Variants in SOCS5 observed in about 807,000 individuals in gnomAD.
The protein encoded by SOCS5 is CIS-6.
Under a neutral mutation model 42.8 loss-of-function variants are expected in SOCS5, and 32 were observed. The observed-to-expected ratio is 0.75, with a 90% CI of 0.56 to 1.01. The LOEUF is 1.01. Among genes scored for constraint, SOCS5 ranks in the 50% least tolerant of loss-of-function variants. SOCS5 has a pLI of 0.00. For missense variants in SOCS5, 627 were observed against 653.0 expected (o/e 0.96, Z 0.43); for synonymous variants, 283 against 229.6 (o/e 1.23, Z -2.10).
intron 1 of SOCS5, among the ~76,000 whole-genome samples, chr2:46,750,871 A>T (rs550578657): frequency 9.8e-5 from 15 of 152,300 alleles, no homozygotes; most frequent in Non-Finnish European, 2.1e-4. Context: ...TGTTGGAGTG[A>T]TGCTGAGTTT....
Position 46,759,640 on chromosome 2 carries a change from G to T in SOCS5, c.1110G>T (p.Val370=). The change falls in exon 2 of 2, where the codon GTG becomes GTT. Residue 370 remains valine (V), a synonymous_variant. Coordinates refer to ENST00000394861, the MANE Select transcript of SOCS5 (RefSeq NM_144949.3). The part of the protein sequence containing the change: ...HTQIDYIHCL[V]PDLLQITGNP... ...AGATTGATTACATACACTGCCTCGTGCCTGATTTGCTTCAAATTACAGGGA... is the reference window on the plus strand; with the variant it reads ...AGATTGATTACATACACTGCCTCGTTCCTGATTTGCTTCAAATTACAGGGA... The T allele has an allele frequency of 6.2e-7, 1 of 1,614,060 alleles. No homozygotes were observed. Among genetic ancestry groups the T allele is most frequent in the Non-Finnish European group, 8.5e-7 (1 of 1,179,942 alleles).
chr2:46,751,245 G>GATT (rs1673616086), intron 1 of SOCS5, among the ~76,000 whole-genome samples: 1 of 151,996 alleles, frequency 6.6e-6, no homozygotes, highest in South Asian at 2.1e-4. Flanking sequence ...TTACTGTCAA[G>GATT]ATTATTACTC....
chr2:46,762,488 TG>T lies in SOCS5; in HGVS notation c.*2348del, dbSNP rs1673891857. 1 of 166,256 alleles carries T rather than the reference TG, an allele frequency of 6.0e-6. No individual in the cohort carries two copies. The highest frequency in any genetic ancestry group is 2.4e-5 in the African/African-American group (1 of 41,476). 10.3% of individuals were successfully genotyped at this position (166,256 alleles called of 1,614,324 possible). A position where few individuals can be genotyped will look rare whatever the true frequency, so the allele number is the denominator to read the frequency against. On this transcript the variant is annotated 3_prime_UTR_variant, in exon 2 of 2. Transcript: ENST00000394861. ...TTTTATGTATTTCAAAACTTTCATA[TG>T]TTAAATGGAAATTGTTTTAAATGTG...
At chr2:46,702,493 C>T (rs1420127134) in intron 1 of SOCS5, among the ~76,000 whole-genome samples, 1 of 152,144 alleles carries the variant, frequency 6.6e-6, no homozygotes, top group Admixed American at 6.5e-5. Flanking sequence ...AATTGATTTG[C>T]AGATATTCCA....
chr2:46,746,854 A>T (rs1221043941), intron 1 of SOCS5, among the ~76,000 whole-genome samples: 1 of 148,324 alleles, frequency 6.7e-6, no homozygotes, highest in Non-Finnish European at 1.5e-5. Flanking sequence ...AGGGTTTGCT[A>T]TGTAGACAAT....
At chr2:46,723,331 A>G (rs1241373736) in intron 1 of SOCS5, among the ~76,000 whole-genome samples, 2 of 151,510 alleles carry the variant, frequency 1.3e-5, no homozygotes, top group Non-Finnish European at 3.0e-5. Context: ...TTATTGTGTA[A>G]GGTCTTCTGA....
At chr2:46,713,327 G>T (rs1672669962) in intron 1 of SOCS5, among the ~76,000 whole-genome samples, 1 of 152,208 alleles carries the variant, frequency 6.6e-6, no homozygotes, top group Admixed American at 6.5e-5. Flanking sequence ...CTGCACTCCA[G>T]GGTGGGTGAC....
At chr2:46,712,888 CAG>C (rs1672660194) in intron 1 of SOCS5, among the ~76,000 whole-genome samples, 1 of 151,750 alleles carries the variant, frequency 6.6e-6, no homozygotes, top group African/African-American at 2.4e-5. Context: ...GTTTTGGTAT[CAG>C]AGTTATGCTG....
At chr2:46,707,594 A>T (rs933584583) in intron 1 of SOCS5, among the ~76,000 whole-genome samples, 9 of 152,184 alleles carry the variant, frequency 5.9e-5, no homozygotes, top group African/African-American at 2.2e-4. Flanking sequence ...ACAAATTGTG[A>T]AGGGTTTTGT....
rs759469437 is a variant in SOCS5 at position 46,758,999 on chromosome 2, G to A, written c.469G>A (p.Gly157Ser). The change falls in exon 2 of 2, where the codon GGC becomes AGC. Residue 157 changes from glycine to serine, a missense_variant. Around this residue, in one of 3 missense-constraint regions of SOCS5, gnomAD observed 278 missense variants for 246.3 expected, o/e 1.13. Transcript: ENST00000394861. ...SGLQRRERRY[G>S]VSSVHDMDSV... ...ACTTCAAAGGAGAGAGAGGCGCTACGGCGTAAGTTCTGTACACGACATGGA... is the reference window on the plus strand; with the variant it reads ...ACTTCAAAGGAGAGAGAGGCGCTACAGCGTAAGTTCTGTACACGACATGGA... 6 of 1,613,968 alleles carry A rather than the reference G, an allele frequency of 3.7e-6. No individual in the cohort carries two copies. The highest frequency in any genetic ancestry group is 1.1e-5 in the South Asian group (1 of 91,076).
At chr2:46,700,060 A>G (rs1672307156) in intron 1 of SOCS5, among the ~76,000 whole-genome samples, 1 of 152,160 alleles carries the variant, frequency 6.6e-6, no homozygotes, top group African/African-American at 2.4e-5. Flanking sequence ...CCCCTCTGCA[A>G]CTACTTGGGC....
chr2:46,724,115 T>A (rs1186380875), intron 1 of SOCS5, among the ~76,000 whole-genome samples: 1 of 152,026 alleles, frequency 6.6e-6, no homozygotes, highest in Non-Finnish European at 1.5e-5. Context: ...CCTGTGACCT[T>A]GTAATCTTAC....
At chr2:46,737,651 A>G (rs1673282547) in intron 1 of SOCS5, among the ~76,000 whole-genome samples, 1 of 152,208 alleles carries the variant, frequency 6.6e-6, no homozygotes, top group Non-Finnish European at 1.5e-5. Flanking sequence ...CAGATAATTC[A>G]TGCATTTACA....
At chr2:46,741,535 A>T (rs2103741576) in intron 1 of SOCS5, among the ~76,000 whole-genome samples, 1 of 152,342 alleles carries the variant, frequency 6.6e-6, no homozygotes, top group African/African-American at 2.4e-5. Flanking sequence ...AAAGTACAAC[A>T]AAGAAAAAAA....
intron 1 of SOCS5, among the ~76,000 whole-genome samples, chr2:46,752,810 A>G (rs1673652787): frequency 6.6e-6 from 1 of 152,114 alleles, no homozygotes; most frequent in Non-Finnish European, 1.5e-5. Flanking sequence ...AAACTGTTTT[A>G]TTTCGTGTTT....
chr2:46,720,977 C>G (rs1388044089), intron 1 of SOCS5, among the ~76,000 whole-genome samples: 1 of 152,174 alleles, frequency 6.6e-6, no homozygotes, highest in African/African-American at 2.4e-5. Context: ...CCGTTCTGCT[C>G]CTGCCTGCTC....
At chr2:46,708,777 C>G (rs1231393123) in intron 1 of SOCS5, among the ~76,000 whole-genome samples, 1 of 151,726 alleles carries the variant, frequency 6.6e-6, no homozygotes, top group Non-Finnish European at 1.5e-5. Context: ...GATTCTTAGG[C>G]AAATGCACTT....
At position 46,759,034 on chromosome 2, in the gene SOCS5, C is replaced by T. The variant is rs1220975751; in HGVS notation, c.504C>T (p.Ser168=). The T allele has an allele frequency of 6.2e-7, 1 of 1,613,952 alleles. No homozygotes were observed. The highest frequency in any genetic ancestry group is 1.1e-5 in the South Asian group (1 of 91,076). The change falls in exon 2 of 2, where the codon TCC becomes TCT. Residue 168 remains serine (S), a synonymous_variant. Coordinates refer to ENST00000394861, the MANE Select transcript of SOCS5 (RefSeq NM_144949.3). The stretch of plus-strand genomic sequence containing the variant: ...CTGTACACGACATGGACAGTGTTTC[C>T]AGCAGAACTGTAGGAAGTCGCTCTC... The part of the protein sequence containing the change: ...VSSVHDMDSV[S]SRTVGSRSLR...
At chr2:46,724,162 G>A (rs1158776281) in intron 1 of SOCS5, among the ~76,000 whole-genome samples, 3 of 150,968 alleles carry the variant, frequency 2.0e-5, no homozygotes, top group African/African-American at 7.3e-5. Flanking sequence ...TAGATTCTTT[G>A]GGATTTCTGT....
Sources: allele counts gnomAD v4.1 joint callset (sites outside exome capture counted in the v4.1 genomes callset), GRCh38; gene constraint gnomAD v4.1.1; regional missense constraint gnomAD v4.1.1; transcripts MANE v1.5; gene names NCBI Gene and HGNC (gene_info 2026-07-23, HGNC 2026-07-21).